CUX1: variants seen among roughly 807,000 people sequenced by gnomAD.
CUX1 encodes the protein cut like homeobox 1.
In CUX1, 31 loss-of-function variants were observed where a neutral mutation model predicts 158.8. The observed-to-expected ratio is 0.20, with a 90% CI of 0.15 to 0.26. The LOEUF (loss-of-function observed/expected upper bound fraction) is 0.26, where lower values mean the gene tolerates loss of function less well. Among genes scored for constraint, CUX1 ranks in the 10% least tolerant of loss-of-function variants. CUX1 has a pLI of 1.00. For synonymous variants in CUX1, 879 were observed against 862.1 expected (o/e 1.02, Z -0.34); for missense variants, 1,589 against 2,014.6 (o/e 0.79, Z 4.04).
chr7:102,137,356 T>A (rs1480399758), intron 8 of CUX1, among the ~76,000 whole-genome samples: 1 of 152,046 alleles, frequency 6.6e-6, no homozygotes, highest in African/African-American at 2.4e-5. Context: ...TAATGGCAGG[T>A]TGGGCGCGGT....
At position 102,052,876 on chromosome 7, in the gene CUX1, C is replaced by T. The variant is rs186085572; in HGVS notation, c.190-17463C>T. 4.6e-5 allele frequency among the ~76,000 whole-genome samples: 7 copies of T among 151,844 alleles called. No individual in the cohort carries two copies. The East Asian group carries it at 7.8e-4, about 17-fold the overall frequency. ...AGGCTGGAATGCGGTAGTGTGATCT[C>T]GGCTCAGTGCAACCTCTGCCTCGCA... is the stretch of plus-strand genomic sequence containing the variant. On this transcript the variant is annotated intron_variant, in intron 3 of 23. Transcript: ENST00000292535.
chr7:101,974,485 G>T (rs1431178561), intron 2 of CUX1, among the ~76,000 whole-genome samples: 1 of 152,198 alleles, frequency 6.6e-6, no homozygotes, highest in East Asian at 1.9e-4. Flanking sequence ...TAGCTTACAG[G>T]AAATTCTAAC....
chr7:102,242,768 G>A (rs1286758920), intron 23 of CUX1, among the ~76,000 whole-genome samples: 1 of 152,164 alleles, frequency 6.6e-6, no homozygotes. Context: ...CCTGGCCAGG[G>A]TACACACCCT....
intron 23 of CUX1, among the ~76,000 whole-genome samples, chr7:102,243,221 C>T (rs782014577): frequency 6.6e-6 from 1 of 152,054 alleles, no homozygotes; most frequent in Non-Finnish European, 1.5e-5. Flanking sequence ...TTGCAGTGAG[C>T]CATGATCATA....
At chr7:101,853,609 G>GTGTGTGTGTGTGTGTT (rs1562930370) in intron 1 of CUX1, among the ~76,000 whole-genome samples, 1 of 151,978 alleles carries the variant, frequency 6.6e-6, no homozygotes, top group African/African-American at 2.4e-5. Flanking sequence ...GTGTGTGTGT[G>GTGTGTGTGTGTGTGTT]TGTGTGTGTG....
At chr7:102,217,817 G>C (rs1334640819) in intron 20 of CUX1, among the ~76,000 whole-genome samples, 2 of 145,814 alleles carry the variant, frequency 1.4e-5, no homozygotes, top group African/African-American at 5.6e-5. Context: ...TGTCTAGAGG[G>C]AGGGAGGATC....
rs1804288854 is a variant in CUX1, at chr7:101,916,998, AT to A, written c.141+774del. Among the ~76,000 whole-genome samples, 1 of 151,414 alleles carries A rather than the reference AT, an allele frequency of 6.6e-6. No individual in the cohort carries two copies. Among genetic ancestry groups the A allele is most frequent in the Non-Finnish European group, 1.5e-5 (1 of 67,992 alleles). ...GGTGACATCTGCCAGTTTGGTCCCC[AT>A]GGCGCTCATCCCGCGGGCTCGGACC... is the stretch of plus-strand genomic sequence containing the variant. On this transcript the variant is annotated intron_variant, in intron 2 of 23. Transcript: ENST00000292535. This position sits in a 1 kb window ranked among gnomAD's most constrained non-coding sequence, Gnocchi z 4.4.
At chr7:101,995,237 C>T (rs1036404991) in intron 2 of CUX1, among the ~76,000 whole-genome samples, 1 of 152,182 alleles carries the variant, frequency 6.6e-6, no homozygotes, top group Non-Finnish European at 1.5e-5. Flanking sequence ...ACTCCTCATA[C>T]CCTCCTAAGA....
intron 2 of CUX1, among the ~76,000 whole-genome samples, chr7:101,920,174 T>G (rs1584983694): frequency 6.6e-6 from 1 of 151,646 alleles, no homozygotes; most frequent in Admixed American, 6.6e-5. Context: ...CAGGCTGGAG[T>G]GCAGTAGCAC....
At chr7:102,054,718 A>G (rs1287051919) in intron 3 of CUX1, among the ~76,000 whole-genome samples, 2 of 152,190 alleles carry the variant, frequency 1.3e-5, no homozygotes, top group East Asian at 1.9e-4. Flanking sequence ...CTGTGATTCT[A>G]ACACTTTGGG....
intron 2 of CUX1, among the ~76,000 whole-genome samples, chr7:101,996,123 A>G (rs1432679911): frequency 6.6e-6 from 1 of 151,306 alleles, no homozygotes; most frequent in Admixed American, 6.6e-5. Flanking sequence ...AAAAAAAAAA[A>G]GAGAGAGAGA....
chr7:102,093,895 G>C (rs540750279), intron 4 of CUX1, among the ~76,000 whole-genome samples: 1 of 152,274 alleles, frequency 6.6e-6, no homozygotes, highest in African/African-American at 2.4e-5. Flanking sequence ...GTGTGTTCCT[G>C]TTTTATATAT....
chr7:102,253,932 A>G lies in CUX1; in HGVS notation c.*4890A>G, dbSNP rs759581626. The G allele has an allele frequency of 4.1e-6, 4 of 985,212 alleles. No individual in the cohort carries two copies. In the African/African-American group the frequency reaches 7.0e-5, roughly 17 times the overall value. The allele number at this position is 985,212 out of a possible 1,614,324, so 61.0% of individuals were successfully genotyped here. On this transcript the variant is annotated 3_prime_UTR_variant, in exon 24 of 24. Transcript: ENST00000292535. ...CTTCACACTCCTCATTGTCCCTTCT[A>G]CCTCACTAACCTGTCTTCTCCATCT...
intron 20 of CUX1, among the ~76,000 whole-genome samples, chr7:102,209,608 T>C (rs1796330953): frequency 6.6e-6 from 1 of 152,210 alleles, no homozygotes; most frequent in African/African-American, 2.4e-5. Flanking sequence ...CCCAGCACCT[T>C]GGGATATAAA....
chr7:101,879,219 G>A (rs1799463541), intron 1 of CUX1, among the ~76,000 whole-genome samples: 1 of 152,128 alleles, frequency 6.6e-6, no homozygotes, highest in Admixed American at 6.5e-5. Flanking sequence ...GGGTTGTCTT[G>A]TTGGGGGTGG....
At chr7:101,894,041 A>G (rs1354126717) in intron 1 of CUX1, among the ~76,000 whole-genome samples, 2 of 152,194 alleles carry the variant, frequency 1.3e-5, no homozygotes, top group Non-Finnish European at 2.9e-5. Flanking sequence ...ATAAGTGGCA[A>G]ATCTCTTGCT....
chr7:102,106,224 A>T (rs1554488385), intron 6 of CUX1, among the ~76,000 whole-genome samples: 2 of 151,170 alleles, frequency 1.3e-5, no homozygotes, highest in Non-Finnish European at 2.9e-5. Flanking sequence ...AGAAGCTGGG[A>T]CTACAGGTGT....
At chr7:102,137,509 G>A (rs1554499085) in intron 8 of CUX1, among the ~76,000 whole-genome samples, 1 of 152,074 alleles carries the variant, frequency 6.6e-6, no homozygotes, top group African/African-American at 2.4e-5. Context: ...GGTGGTGGAT[G>A]CCTATAATCC....
intron 4 of CUX1, among the ~76,000 whole-genome samples, chr7:102,080,150 C>G (rs547762883): frequency 6.6e-6 from 1 of 152,292 alleles, no homozygotes; most frequent in Admixed American, 6.5e-5. Flanking sequence ...AAGGCTTTCC[C>G]TTCTCCATCC....
Sources: allele counts gnomAD v4.1 joint callset (sites outside exome capture counted in the v4.1 genomes callset), GRCh38; gene constraint gnomAD v4.1.1; non-coding constraint Gnocchi (gnomAD v3.1); transcripts MANE v1.5; gene names NCBI Gene and HGNC (gene_info 2026-07-23, HGNC 2026-07-21).